Variants in PXDNL observed in about 807,000 individuals in gnomAD.
PXDNL encodes probable oxidoreductase PXDNL.
Under a neutral mutation model 150.8 loss-of-function variants are expected in PXDNL, and 145 were observed. The observed-to-expected ratio is 0.96, with a 90% CI of 0.84 to 1.10. The LOEUF (loss-of-function observed/expected upper bound fraction) is 1.10. Among genes scored for constraint, PXDNL ranks in the 50% least tolerant of loss-of-function variants. The probability of loss-of-function intolerance (pLI) is 0.00; values close to 1 mark genes in which losing one functional copy is unlikely to be tolerated. For synonymous variants in PXDNL, 757 were observed against 725.7 expected (o/e 1.04, Z -0.69); for missense variants, 2,087 against 1,873.9 (o/e 1.11, Z -2.10).
intron 4 of PXDNL, among the ~76,000 whole-genome samples, chr8:51,515,347 T>C (rs1194003361): frequency 6.6e-6 from 1 of 151,914 alleles, no homozygotes; most frequent in African/African-American, 2.4e-5. Flanking sequence ...GCTCCAGGGG[T>C]GGAGGCATTG....
intron 12 of PXDNL, among the ~76,000 whole-genome samples, chr8:51,441,602 C>T (rs1809549728): frequency 6.6e-6 from 1 of 152,152 alleles, no homozygotes; most frequent in Admixed American, 6.5e-5. Context: ...AATCAATGCA[C>T]AGTTTTTTCC....
intron 3 of PXDNL, among the ~76,000 whole-genome samples, chr8:51,586,822 G>A (rs575190226): frequency 1.3e-4 from 20 of 152,310 alleles, no homozygotes; most frequent in African/African-American, 4.8e-4. Context: ...AAAGGACAAA[G>A]CTGCTCAGAG....
intron 1 of PXDNL, among the ~76,000 whole-genome samples, chr8:51,730,412 T>A (rs1180931856): frequency 6.6e-6 from 1 of 152,248 alleles, no homozygotes; most frequent in Non-Finnish European, 1.5e-5. Context: ...ATTTTCATAA[T>A]CTGGGTGTCA....
intron 1 of PXDNL, among the ~76,000 whole-genome samples, chr8:51,771,431 C>T (rs2037291784): frequency 1.3e-5 from 2 of 152,304 alleles, no homozygotes; most frequent in Middle Eastern, 3.4e-3. Flanking sequence ...ACAGTCTACC[C>T]ACTGTAATCC....
At chr8:51,728,202 C>A (rs1816853131) in intron 1 of PXDNL, among the ~76,000 whole-genome samples, 1 of 152,228 alleles carries the variant, frequency 6.6e-6, no homozygotes, top group Non-Finnish European at 1.5e-5. Flanking sequence ...ATGATGTAAA[C>A]ACACCTACTG....
At chr8:51,552,118 A>T (rs1324097226) in intron 4 of PXDNL, among the ~76,000 whole-genome samples, 1 of 152,210 alleles carries the variant, frequency 6.6e-6, no homozygotes, top group Admixed American at 6.5e-5. Context: ...AATCAAAACC[A>T]CAATGCGATA....
intron 1 of PXDNL, among the ~76,000 whole-genome samples, chr8:51,733,587 C>G (rs1293843609): frequency 3.3e-5 from 5 of 152,030 alleles, no homozygotes. Context: ...GTGGGCAGAT[C>G]ACTTGAGGTC....
chr8:51,393,743 A>T (rs1318254766), intron 17 of PXDNL, among the ~76,000 whole-genome samples: 1 of 152,246 alleles, frequency 6.6e-6, no homozygotes, highest in East Asian at 1.9e-4. Context: ...TAAAAGTGGA[A>T]AAGGGAATAG....
At chr8:51,722,693 C>T (rs1816753830) in intron 1 of PXDNL, among the ~76,000 whole-genome samples, 1 of 152,178 alleles carries the variant, frequency 6.6e-6, no homozygotes, top group Non-Finnish European at 1.5e-5. Context: ...CTCCTCTCAG[C>T]ATTCAGACAC....
chr8:51,499,386 C>T (rs751628301), intron 5 of PXDNL, among the ~76,000 whole-genome samples: 6 of 152,212 alleles, frequency 3.9e-5, no homozygotes, highest in Non-Finnish European at 7.3e-5. Context: ...CCACCTCGGC[C>T]TCCCAAAGTA....
intron 15 of PXDNL, among the ~76,000 whole-genome samples, chr8:51,411,702 C>T (rs1446337718): frequency 6.6e-6 from 1 of 151,958 alleles, no homozygotes; most frequent in Non-Finnish European, 1.5e-5. Context: ...CTGGGGGGGT[C>T]GGTTGATGAA....
At chr8:51,484,083 T>G (rs1392778105) in intron 5 of PXDNL, among the ~76,000 whole-genome samples, 1 of 152,230 alleles carries the variant, frequency 6.6e-6, no homozygotes, top group East Asian at 1.9e-4. Context: ...ATCAGCATGT[T>G]GTACACCTTG....
intron 5 of PXDNL, among the ~76,000 whole-genome samples, chr8:51,497,981 T>C (rs1406789090): frequency 1.3e-5 from 2 of 152,030 alleles, no homozygotes; most frequent in Non-Finnish European, 2.9e-5. Context: ...CACATGCACA[T>C]GTATGTTTAT....
chr8:51,321,520 A>T (rs915292501), intron 21 of PXDNL, among the ~76,000 whole-genome samples: 1 of 151,536 alleles, frequency 6.6e-6, no homozygotes, highest in Admixed American at 6.6e-5. Context: ...ACCTAGTGGG[A>T]GGTGATTGGA....
chr8:51,529,555 T>C (rs1811846254), intron 4 of PXDNL, among the ~76,000 whole-genome samples: 1 of 152,222 alleles, frequency 6.6e-6, no homozygotes, highest in Non-Finnish European at 1.5e-5. Flanking sequence ...TCTGGGTGAA[T>C]TGGGATTCAA....
chr8:51,493,569 T>C (rs1160093883), intron 5 of PXDNL, among the ~76,000 whole-genome samples: 1 of 151,758 alleles, frequency 6.6e-6, no homozygotes, highest in Non-Finnish European at 1.5e-5. Flanking sequence ...GAATAACCAA[T>C]GCAGAGAAGT....
Position 51,447,039 on chromosome 8 carries a change from T to C in PXDNL, c.1490A>G (p.Lys497Arg). 2.5e-6 allele frequency: 4 copies of C among 1,613,944 alleles called. No individual in the cohort carries two copies. Among genetic ancestry groups the C allele is most frequent in the Non-Finnish European group, 3.4e-6 (4 of 1,179,868 alleles). Reference protein sequence around the residue: ...ECQAVSSLGVKKVSVQLTVKP... With the variant: ...ECQAVSSLGVRKVSVQLTVKP... ...TACAGTCAGCTGCACAGACACCTTT[T>C]TCACCCCCAACGAACTGACTGCTTG... The change falls in exon 12 of 23, where the codon AAA (lysine) becomes AGA (arginine). Residue 497 changes from lysine to arginine, a missense_variant. Physicochemically the swap from Lys to Arg is conservative, Grantham distance 26. Transcript: ENST00000356297.
chr8:51,361,952 A>G (rs1371750833), intron 19 of PXDNL, among the ~76,000 whole-genome samples: 1 of 150,152 alleles, frequency 6.7e-6, no homozygotes, highest in East Asian at 1.9e-4. Flanking sequence ...AAAAAAAAAA[A>G]AAAAAAAAAA....
chr8:51,559,713 A>G (rs1812681854), intron 3 of PXDNL, among the ~76,000 whole-genome samples: 1 of 151,972 alleles, frequency 6.6e-6, no homozygotes. Flanking sequence ...TGAGAACTTA[A>G]GATTGAGGAA....
Sources: gnomAD v4.1 joint callset for allele counts (sites outside exome capture counted in the v4.1 genomes callset) on GRCh38, gnomAD v4.1.1 for gene constraint, MANE v1.5 for transcripts, NCBI Gene and HGNC (gene_info 2026-07-23, HGNC 2026-07-21) for gene names.